WWC2: variants seen among roughly 807,000 people sequenced by gnomAD.
WWC2 encodes the protein protein WWC2.
In WWC2, 101 loss-of-function variants were observed where a neutral mutation model predicts 138.5. The observed-to-expected ratio is 0.73, with a 90% confidence interval of 0.62 to 0.86. WWC2 has a LOEUF of 0.86. Among genes scored for constraint, WWC2 ranks in the 40% least tolerant of loss-of-function variants. The pLI is 0.00. For missense variants in WWC2, 1,420 were observed against 1,419.4 expected (o/e 1.00, Z -0.01); for synonymous variants, 558 against 538.4 (o/e 1.04, Z -0.50).
chr4:183,267,219 G>T (rs1449809865), intron 14 of WWC2, among the ~76,000 whole-genome samples: 5 of 152,104 alleles, frequency 3.3e-5, no homozygotes, highest in Non-Finnish European at 7.4e-5. Context: ...GATTCCAGGA[G>T]GAGGGTGAGC....
intron 4 of WWC2, among the ~76,000 whole-genome samples, chr4:183,226,074 ACTTTTCTTTT>A (rs3040784): frequency 6.0e-4 from 89 of 148,548 alleles, no homozygotes; most frequent in African/African-American, 1.9e-3. Flanking sequence ...CGTCTGTGAA[ACTTTTCTTTT>A]CTTTTCTTTT....
intron 22 of WWC2, 98 bp from the exon 23 acceptor site, chr4:183,315,565 G>C (rs1739405598): frequency 1.2e-6 from 1 of 835,242 alleles, no homozygotes; most frequent in South Asian, 1.8e-5. Context: ...TGCTTGCAGA[G>C]ACATCACTGC....
At chr4:183,300,218 A>G (rs887047800) in intron 21 of WWC2, among the ~76,000 whole-genome samples, 2 of 152,112 alleles carry the variant, frequency 1.3e-5, no homozygotes, top group African/African-American at 4.8e-5. Flanking sequence ...CAGCATTCCA[A>G]GTGGCTCCCA....
intron 4 of WWC2, among the ~76,000 whole-genome samples, chr4:183,234,207 C>G (rs898585206): frequency 2.0e-5 from 3 of 152,290 alleles, no homozygotes; most frequent in Non-Finnish European, 4.4e-5. Context: ...ACAGTATCTT[C>G]CTGGTTTTCT....
chr4:183,290,290 G>A (rs1738405080), intron 21 of WWC2, among the ~76,000 whole-genome samples: 1 of 152,168 alleles, frequency 6.6e-6, no homozygotes, highest in African/African-American at 2.4e-5. Context: ...GCCGAGGCGG[G>A]TGGATCATGA....
intron 1 of WWC2, among the ~76,000 whole-genome samples, chr4:183,132,924 T>C (rs988369206): frequency 9.3e-5 from 14 of 149,742 alleles, no homozygotes; most frequent in African/African-American, 3.5e-4. Flanking sequence ...AGGATTTGAC[T>C]TATCAATACT....
chr4:183,302,295 G>A (rs1355401515), intron 21 of WWC2, among the ~76,000 whole-genome samples: 1 of 152,196 alleles, frequency 6.6e-6, no homozygotes, highest in Admixed American at 6.5e-5. Context: ...CCTTAAAGGT[G>A]TCTGAAGCAG....
At chr4:183,245,675 GC>G in intron 6 of WWC2, 130 bp downstream of exon 6, 2 of 1,076,298 alleles carry the variant, frequency 1.9e-6, no homozygotes. Context: ...TGCAGAATGG[GC>G]CCTGTGGAGA....
chr4:183,181,738 T>A (rs1734639404), intron 1 of WWC2, among the ~76,000 whole-genome samples: 2 of 152,174 alleles, frequency 1.3e-5, no homozygotes, highest in African/African-American at 4.8e-5. Context: ...AGAATTTTCA[T>A]CTGTGCAAGG....
At chr4:183,176,691 G>A (rs1409302455) in intron 1 of WWC2, among the ~76,000 whole-genome samples, 3 of 152,056 alleles carry the variant, frequency 2.0e-5, no homozygotes, top group African/African-American at 7.2e-5. Context: ...CCAAAGTGCT[G>A]GGATTACAGC....
intron 5 of WWC2, among the ~76,000 whole-genome samples, chr4:183,244,658 T>C (rs1186540486): frequency 6.6e-6 from 1 of 151,966 alleles, no homozygotes; most frequent in Admixed American, 6.6e-5. Context: ...TAAATAATAA[T>C]TTACTTATTA....
intron 1 of WWC2, among the ~76,000 whole-genome samples, chr4:183,113,516 G>GCA (rs1554064970): frequency 3.0e-5 from 4 of 132,524 alleles, no homozygotes; most frequent in African/African-American, 6.0e-5. Flanking sequence ...GTGTGTGTGT[G>GCA]CGCGCGCGTG....
chr4:183,181,834 G>A (rs1734641979), intron 1 of WWC2, among the ~76,000 whole-genome samples: 1 of 152,176 alleles, frequency 6.6e-6, no homozygotes, highest in Non-Finnish European at 1.5e-5. Context: ...AAGTATTGGA[G>A]TAGATGTCAC....
At position 183,271,125 on chromosome 4, in the gene WWC2, G is replaced by A. The variant is rs11734376; in HGVS notation, c.2446G>A (p.Val816Ile). The change falls in exon 16 of 23, where the codon GTT becomes ATT. Residue 816 changes from valine to isoleucine, a missense_variant. Coordinates refer to ENST00000403733, the MANE Select transcript of WWC2 (RefSeq NM_024949.6). ...GGCAGATTTACCATTTTCCAGTGAG[G>A]TTTTCACTCTATGGTATAACTTGCT... ...SLADLPFSSE[V>I]FTLWYNLLPS... 2 of 1,609,444 alleles carry A rather than the reference G, an allele frequency of 1.2e-6. No homozygotes were observed. Among genetic ancestry groups the A allele is most frequent in the Admixed American group, 1.7e-5 (1 of 59,632 alleles).
At chr4:183,215,721 A>G (rs976987429) in intron 4 of WWC2, among the ~76,000 whole-genome samples, 14 of 152,192 alleles carry the variant, frequency 9.2e-5, no homozygotes, top group African/African-American at 3.4e-4. Flanking sequence ...TATGTATTTT[A>G]AAAAAGAAAT....
chr4:183,113,517 C>CGT (rs897365733), intron 1 of WWC2, among the ~76,000 whole-genome samples: 2 of 133,710 alleles, frequency 1.5e-5, no homozygotes, highest in Non-Finnish European at 3.1e-5. Context: ...TGTGTGTGTG[C>CGT]GCGCGCGTGC....
At chr4:183,212,042 C>T (rs1028882024) in intron 4 of WWC2, among the ~76,000 whole-genome samples, 7 of 152,122 alleles carry the variant, frequency 4.6e-5, no homozygotes, top group Middle Eastern at 3.4e-3. Flanking sequence ...AGGCTGGTTT[C>T]GAACACCTGA....
At chr4:183,128,529 G>A (rs748270969) in intron 1 of WWC2, among the ~76,000 whole-genome samples, 1 of 152,042 alleles carries the variant, frequency 6.6e-6, no homozygotes, top group Non-Finnish European at 1.5e-5. Flanking sequence ...AGATCAAAAT[G>A]TGTCTTTTTG....
intron 1 of WWC2, among the ~76,000 whole-genome samples, chr4:183,175,320 G>A (rs1486525389): frequency 1.3e-5 from 2 of 152,116 alleles, no homozygotes; most frequent in East Asian, 1.9e-4. Flanking sequence ...GGAGTGCAGC[G>A]GTGTGATCTT....
Sources: allele counts gnomAD v4.1 joint callset (sites outside exome capture counted in the v4.1 genomes callset), GRCh38; gene constraint gnomAD v4.1.1; transcripts MANE v1.5; gene names NCBI Gene and HGNC (gene_info 2026-07-23, HGNC 2026-07-21).